The following DUSP4 variants were observed in gnomAD, a reference collection of about 807,000 sequenced individuals.
DUSP4 encodes dual specificity phosphatase 4, also known as dual specificity protein phosphatase 4.
A neutral mutation model predicts 27.2 loss-of-function variants in DUSP4; 12 were observed. That is an observed-to-expected ratio of 0.44 (90% CI 0.28 to 0.71). The LOEUF (loss-of-function observed/expected upper bound fraction) is 0.71, where lower values mean the gene tolerates loss of function less well. Ranked by LOEUF, DUSP4 falls within the 30% of genes least tolerant of loss-of-function variation. The pLI is 0.14. For missense variants in DUSP4, 448 were observed against 551.3 expected (o/e 0.81, Z 1.88); for synonymous variants, 257 against 245.2 (o/e 1.05, Z -0.45).
At chr8:29,348,559 T>C (rs1587053450) in intron 1 of DUSP4, 1 of 985,518 alleles carries the variant, frequency 1.0e-6, no homozygotes, top group Non-Finnish European at 1.2e-6. Context: ...ACAGGTCAAA[T>C]GGGCAGGAAA....
chr8:29,346,937 C>A (rs1025825943), intron 1 of DUSP4, among the ~76,000 whole-genome samples: 1 of 152,210 alleles, frequency 6.6e-6, no homozygotes, highest in African/African-American at 2.4e-5. Flanking sequence ...CTTCTCCTAA[C>A]CCCTCCAAGA....
At chr8:29,349,274 G>C (rs181198118) in intron 1 of DUSP4, among the ~76,000 whole-genome samples, 1 of 152,232 alleles carries the variant, frequency 6.6e-6, no homozygotes, top group African/African-American at 2.4e-5. Flanking sequence ...AGCTGAGCTT[G>C]GAGTTGGGCA....
chr8:29,346,283 C>T (rs1817734107), intron 1 of DUSP4, among the ~76,000 whole-genome samples: 1 of 152,128 alleles, frequency 6.6e-6, no homozygotes, highest in South Asian at 2.1e-4. Flanking sequence ...AGATGATCTT[C>T]CCCATTTCTC....
At chr8:29,344,215 A>C (rs577436545) in intron 1 of DUSP4, among the ~76,000 whole-genome samples, 1 of 152,320 alleles carries the variant, frequency 6.6e-6, no homozygotes, top group East Asian at 1.9e-4. Context: ...TCTGCTTCTA[A>C]ATATCCAGGA....
chr8:29,334,754 T>C lies in DUSP4; in HGVS notation c.*2272A>G, dbSNP rs1263524986. On this transcript the variant is annotated 3_prime_UTR_variant, in exon 4 of 4. Coordinates refer to ENST00000240100, the MANE Select transcript of DUSP4 (RefSeq NM_001394.7). ...CCAGGAATCAAGGAAAAAGTGGAAA[T>C]GTCCAACTGTGTTGTCTCTAAATGG... is the stretch of plus-strand genomic sequence containing the variant. 6.6e-6 allele frequency: 1 copy of C among 152,214 alleles called. No individual in the cohort carries two copies. Among genetic ancestry groups the C allele is most frequent in the African/African-American group, 2.4e-5 (1 of 41,442 alleles). The allele number at this position is 152,214 out of a possible 1,614,324, so 9.4% of individuals were successfully genotyped here.
intron 1 of DUSP4, chr8:29,345,363 T>C: frequency 6.2e-7 from 1 of 1,613,860 alleles, no homozygotes; most frequent in Non-Finnish European, 8.5e-7. Flanking sequence ...CTAAGTGAAC[T>C]TCTCACCTTG....
Position 29,350,467 on chromosome 8 carries a change from A to G in DUSP4, c.-189T>C. 1.4e-6 allele frequency: 1 copy of G among 720,536 alleles called. No homozygotes were observed. The highest frequency in any genetic ancestry group is 2.1e-6 in the Non-Finnish European group (1 of 466,324). The allele number at this position is 720,536 out of a possible 1,614,324, so 44.6% of individuals were successfully genotyped here. On this transcript the variant is annotated 5_prime_UTR_variant, in exon 1 of 4. An upstream open reading frame in the 5' UTR loses its in-frame stop. Coordinates refer to ENST00000240100, the MANE Select transcript of DUSP4 (RefSeq NM_001394.7). ...CCCTTCCTCCCGCAGCCTCGCGGTCACATAGCAGTCGGAGCGGCCTCGGGC... is the reference window on the plus strand; with the variant it reads ...CCCTTCCTCCCGCAGCCTCGCGGTCGCATAGCAGTCGGAGCGGCCTCGGGC...
chr8:29,339,641 A>T (rs991275807), intron 2 of DUSP4, among the ~76,000 whole-genome samples: 1 of 152,164 alleles, frequency 6.6e-6, no homozygotes, highest in African/African-American at 2.4e-5. Flanking sequence ...GGTCCTACCT[A>T]ACATCCCACC....
chr8:29,338,234 T>C, intron 3 of DUSP4, 48 bp downstream of exon 3: 1 of 1,591,584 alleles, frequency 6.3e-7, no homozygotes, highest in Non-Finnish European at 8.6e-7. Context: ...TTCCTTATCC[T>C]TCCCACCCGC....
At chr8:29,344,670 T>C (rs1817701580) in intron 1 of DUSP4, among the ~76,000 whole-genome samples, 1 of 152,106 alleles carries the variant, frequency 6.6e-6, no homozygotes, top group African/African-American at 2.4e-5. Flanking sequence ...GACCCCTCAT[T>C]AGAAGCCCTC....
rs1331954938 is a variant in DUSP4 at position 29,335,753 on chromosome 8, T to C, written c.*1273A>G. On this transcript the variant is annotated 3_prime_UTR_variant, in exon 4 of 4. Coordinates refer to ENST00000240100, the MANE Select transcript of DUSP4 (RefSeq NM_001394.7). ...TGGCTGGCCTTGCCAAATGATTTGC[T>C]GTAGGAAAATTTGAACTGCACCCAA... 2 of 152,270 alleles carry C rather than the reference T, an allele frequency of 1.3e-5. No individual in the cohort carries two copies. The highest frequency in any genetic ancestry group is 2.9e-5 in the Non-Finnish European group (2 of 68,046). The allele number at this position is 152,270 out of a possible 1,614,324, so 9.4% of individuals were successfully genotyped here.
chr8:29,338,979 C>A (rs945814503), intron 2 of DUSP4, among the ~76,000 whole-genome samples: 4 of 152,164 alleles, frequency 2.6e-5, no homozygotes, highest in African/African-American at 9.7e-5. Flanking sequence ...ATCATGTGAG[C>A]CAGGAGTTCC....
In DUSP4 at chr8:29,338,289, C is replaced by T. The variant is rs768212045; in HGVS notation, c.792G>A (p.Glu264=). The T allele has an allele frequency of 6.2e-7, 1 of 1,612,580 alleles. No homozygotes were observed. ...DISSWFMEAI[E]YIDAVKDCRG... is the part of the protein sequence containing the mutation. ...AGAGCAGGGCCAGCCTACCGATGTACTCTATGGCTTCCATGAACCAGGAGC... is the reference window on the plus strand; with the variant it reads ...AGAGCAGGGCCAGCCTACCGATGTATTCTATGGCTTCCATGAACCAGGAGC... Residue 264 remains glutamate (E), a synonymous_variant, in exon 3 of 4, where the codon GAG becomes GAA. Coordinates refer to ENST00000240100, the MANE Select transcript of DUSP4 (RefSeq NM_001394.7).
chr8:29,340,871 T>G (rs968547672), intron 1 of DUSP4, among the ~76,000 whole-genome samples: 18 of 151,978 alleles, frequency 1.2e-4, no homozygotes, highest in African/African-American at 3.9e-4. Flanking sequence ...GACCTGAGAG[T>G]GGGTAAGCCC....
At chr8:29,338,766 C>G (rs1817615455) in intron 2 of DUSP4, among the ~76,000 whole-genome samples, 1 of 152,240 alleles carries the variant, frequency 6.6e-6, no homozygotes, top group Admixed American at 6.5e-5. Context: ...CTGCACCTCC[C>G]CCATGGCAAA....
intron 1 of DUSP4, chr8:29,347,932 T>C: frequency 6.1e-6 from 6 of 985,428 alleles, no homozygotes; most frequent in Non-Finnish European, 7.2e-6. Flanking sequence ...CCGCGCGCCC[T>C]GGGGATAAAT....
Position 29,333,096 on chromosome 8 carries a change from T to C in DUSP4, c.*3930A>G, listed in dbSNP as rs1337821047. On this transcript the variant is annotated 3_prime_UTR_variant, in exon 4 of 4. Transcript: ENST00000240100. ...AAATGTATTTATTTTTTTCAAATGATCTTTTTCAAGCAATAAATAAAACCA... is the reference window on the plus strand; with the variant it reads ...AAATGTATTTATTTTTTTCAAATGACCTTTTTCAAGCAATAAATAAAACCA... 1 of 152,014 alleles carries C rather than the reference T, an allele frequency of 6.6e-6. No individual in the cohort carries two copies. Among genetic ancestry groups the C allele is most frequent in the Non-Finnish European group, 1.5e-5 (1 of 67,994 alleles). 9.4% of individuals were successfully genotyped at this position (152,014 alleles called of 1,614,324 possible).
rs768648668 is a variant in DUSP4, at chr8:29,345,470, C to T, written c.433+4376G>A. 9.3e-6 allele frequency: 15 copies of T among 1,612,850 alleles called. No homozygotes were observed. In the African/African-American group the frequency reaches 1.9e-4, roughly 20 times the overall value. ...CTGGTTTGCAGTCTCTCCCAGTCCT[C>T]CTGGGCGATCTGCTATGTTCAGCAA... On this transcript the variant is annotated intron_variant, in intron 1 of 3. Coordinates refer to ENST00000240100, the MANE Select transcript of DUSP4 (RefSeq NM_001394.7).
chr8:29,348,662 G>A (rs1296291242), intron 1 of DUSP4: 1 of 985,342 alleles, frequency 1.0e-6, no homozygotes, highest in East Asian at 1.1e-4. Flanking sequence ...GGAGGGGAGA[G>A]GTTTCCGCCC....
Sources: gnomAD v4.1 joint callset for allele counts (sites outside exome capture counted in the v4.1 genomes callset) on GRCh38, gnomAD v4.1.1 for gene constraint, MANE v1.5 for transcripts, NCBI Gene and HGNC (gene_info 2026-07-23, HGNC 2026-07-21) for gene names.